NEK6: variants seen among roughly 807,000 people sequenced by gnomAD.
NEK6 encodes NIMA related kinase 6, also known as serine/threonine-protein kinase Nek6.
In NEK6, 27 loss-of-function variants were observed where a neutral mutation model predicts 43.5. The observed-to-expected ratio is 0.62, with a 90% CI of 0.46 to 0.86. The LOEUF is 0.86. Ranked by LOEUF, NEK6 falls within the 40% of genes least tolerant of loss-of-function variation. The probability of loss-of-function intolerance (pLI) is 0.00; values close to 1 mark genes in which losing one functional copy is unlikely to be tolerated. For synonymous variants in NEK6, 167 were observed against 164.1 expected (o/e 1.02, Z -0.14); for missense variants, 318 against 414.4 (o/e 0.77, Z 2.02).
chr9:124,261,396 T>TTGGAGGG, intron 1 of NEK6: 2 of 984,906 alleles, frequency 2.0e-6, no homozygotes, highest in East Asian at 2.3e-4. Context: ...AGCAAGGGAG[T>TTGGAGGG]TGGAGGGTGG....
chr9:124,331,367 AAGAG>A (rs1475076575), intron 7 of NEK6, among the ~76,000 whole-genome samples: 1 of 152,038 alleles, frequency 6.6e-6, no homozygotes, highest in Non-Finnish European at 1.5e-5. Flanking sequence ...CCAGGGAAGT[AAGAG>A]AGACCACATC....
intron 5 of NEK6, among the ~76,000 whole-genome samples, chr9:124,323,665 C>T (rs1398465724): frequency 1.3e-5 from 2 of 152,136 alleles, no homozygotes; most frequent in Non-Finnish European, 2.9e-5. Context: ...GGGGCTGGGG[C>T]TGGGCAAATC....
chr9:124,349,337 G>A (rs986064888), intron 9 of NEK6, among the ~76,000 whole-genome samples: 1 of 152,214 alleles, frequency 6.6e-6, no homozygotes, highest in African/African-American at 2.4e-5. Context: ...GAAGCTTGAA[G>A]CTGTGCAACT....
chr9:124,283,203 C>G (rs1187600880), intron 1 of NEK6, among the ~76,000 whole-genome samples: 1 of 152,236 alleles, frequency 6.6e-6, no homozygotes, highest in Non-Finnish European at 1.5e-5. Context: ...GATGACAAGG[C>G]AAACCCTTCC....
At chr9:124,341,639 T>C (rs1053933461) in intron 8 of NEK6, among the ~76,000 whole-genome samples, 2 of 151,340 alleles carry the variant, frequency 1.3e-5, no homozygotes, top group African/African-American at 4.9e-5. Flanking sequence ...GGCCTGCAGG[T>C]GAAAGGGGGA....
At chr9:124,277,087 C>A (rs56654231) in intron 1 of NEK6, among the ~76,000 whole-genome samples, 1 of 152,148 alleles carries the variant, frequency 6.6e-6, no homozygotes, top group South Asian at 2.1e-4. Context: ...GGCCCAGGTG[C>A]TGATGCCACT....
chr9:124,338,922 T>C (rs1829428092), intron 7 of NEK6, among the ~76,000 whole-genome samples: 2 of 121,524 alleles, frequency 1.6e-5, no homozygotes, highest in African/African-American at 6.4e-5. Flanking sequence ...TTAAAGGACA[T>C]GTGGTCAGTT....
intron 1 of NEK6, among the ~76,000 whole-genome samples, chr9:124,297,471 G>A (rs1832748075): frequency 6.6e-6 from 1 of 152,236 alleles, no homozygotes. Context: ...CTCCCCGCCA[G>A]CCTCACTGAA....
At chr9:124,270,759 G>A (rs570915967) in intron 1 of NEK6, among the ~76,000 whole-genome samples, 54 of 152,302 alleles carry the variant, frequency 3.5e-4, no homozygotes, top group African/African-American at 9.1e-4. Flanking sequence ...CTGAATACCC[G>A]TCCTGGGGAG....
chr9:124,284,734 G>C (rs902350540), intron 1 of NEK6, among the ~76,000 whole-genome samples: 5 of 152,204 alleles, frequency 3.3e-5, no homozygotes, highest in African/African-American at 1.2e-4. Flanking sequence ...AAGACCACAT[G>C]CACCGCCTGG....
intron 1 of NEK6, among the ~76,000 whole-genome samples, chr9:124,281,487 CTTTTTTTTTTTTTT>C (rs759381068): frequency 1.3e-4 from 13 of 102,926 alleles, no homozygotes; most frequent in Admixed American, 5.4e-4. Context: ...GCTGTTTTTT[CTTTTTTTTTTTTTT>C]TTTTTTTTTT....
Position 124,277,975 on chromosome 9 carries a change from C to T in NEK6, c.-30+19890C>T, listed in dbSNP as rs185554503. Reference sequence around the variant, plus strand: ...TCCAAAGTGAAGCTGTGAGAAGGGGCGCCTTTGAGTTTTAATACGGGATGC... The same window carrying T: ...TCCAAAGTGAAGCTGTGAGAAGGGGTGCCTTTGAGTTTTAATACGGGATGC... On this transcript the variant is annotated intron_variant, in intron 1 of 9. Transcript: ENST00000320246. 9.2e-5 allele frequency among the ~76,000 whole-genome samples: 14 copies of T among 152,256 alleles called. No individual in the cohort carries two copies. The East Asian group carries it at 2.1e-3, about 23-fold the overall frequency.
In NEK6 at chr9:124,312,502, G is replaced by C. The variant is rs199605725; in HGVS notation, c.91-7G>C. ...TGCTCACGGAGGCCCTCTGTCCCCC[G>C]TTCCAGAGGCATCCCAACACGCTGT... On this transcript the variant is annotated splice_region_variant and splice_polypyrimidine_tract_variant and intron_variant, in intron 2 of 9. Coordinates refer to ENST00000320246, the MANE Select transcript of NEK6 (RefSeq NM_014397.6). 6.2e-7 allele frequency: 1 copy of C among 1,611,916 alleles called. No individual in the cohort carries two copies. Among genetic ancestry groups the C allele is most frequent in the African/African-American group, 1.3e-5 (1 of 74,556 alleles).
intron 1 of NEK6, among the ~76,000 whole-genome samples, chr9:124,299,362 G>A (rs1460981861): frequency 6.6e-6 from 1 of 152,234 alleles, no homozygotes; most frequent in East Asian, 1.9e-4. Context: ...CAGCTGCAGA[G>A]CCTGCAGGAG....
rs576378632 is a variant in NEK6, at chr9:124,342,186, A to G, written c.717+2521A>G. 3.3e-5 allele frequency among the ~76,000 whole-genome samples: 5 copies of G among 150,750 alleles called. No individual in the cohort carries two copies. The South Asian group carries it at 1.0e-3, about 31-fold the overall frequency. On this transcript the variant is annotated intron_variant, in intron 8 of 9. Transcript: ENST00000320246. ...TCACCGCCCTGCCCCCACTTGCCCT[A>G]AGGTCTGAGGAGGGGATGCAAACCC...
At position 124,352,174 on chromosome 9, in the gene NEK6, T is replaced by TAA. The variant is rs1830308739; in HGVS notation, c.*1227_*1228insAA. On this transcript the variant is annotated 3_prime_UTR_variant, in exon 10 of 10. Transcript: ENST00000320246. ...GTCTGAGCTGTCGTCACTGACTTCA[T>TAA]GACAGTCTGGCCCTCCAGACAAGAG... is the stretch of plus-strand genomic sequence containing the variant. 6.6e-6 allele frequency: 1 copy of TAA among 152,670 alleles called. No individual in the cohort carries two copies. The highest frequency in any genetic ancestry group is 2.1e-4 in the South Asian group (1 of 4,832). The allele number at this position is 152,670 out of a possible 1,614,324, so 9.5% of individuals were successfully genotyped here. A position where few individuals can be genotyped will look rare whatever the true frequency, so the allele number is the denominator to read the frequency against.
chr9:124,306,046 C>T (rs867293044), intron 2 of NEK6, among the ~76,000 whole-genome samples: 1 of 152,084 alleles, frequency 6.6e-6, no homozygotes, highest in African/African-American at 2.4e-5. Context: ...GCTCAAGGCT[C>T]AGGGAAGGTG....
intron 1 of NEK6, among the ~76,000 whole-genome samples, chr9:124,267,364 T>G (rs1409057280): frequency 6.6e-6 from 1 of 151,336 alleles, no homozygotes; most frequent in Non-Finnish European, 1.5e-5. Context: ...TCCGGTCGAG[T>G]CCGCCTGGAT....
intron 1 of NEK6, among the ~76,000 whole-genome samples, chr9:124,286,200 C>T (rs759265251): frequency 2.0e-5 from 3 of 152,218 alleles, no homozygotes; most frequent in Non-Finnish European, 2.9e-5. Flanking sequence ...TGGCTGGGGG[C>T]CTTGTTGCAA....
Sources: gnomAD v4.1 joint callset for allele counts (sites outside exome capture counted in the v4.1 genomes callset) on GRCh38, gnomAD v4.1.1 for gene constraint, MANE v1.5 for transcripts, NCBI Gene and HGNC (gene_info 2026-07-23, HGNC 2026-07-21) for gene names.